GREB1L: variants seen among roughly 807,000 people sequenced by gnomAD.
The protein encoded by GREB1L is GREB1-like protein.
In GREB1L, 17 loss-of-function variants were observed where a neutral mutation model predicts 200.8. The ratio of observed to expected loss-of-function variants is 0.08; its 90% CI spans 0.06 to 0.13. The LOEUF is 0.13. GREB1L is among the 10% of genes least tolerant of loss of function. The pLI is 1.00. For missense variants in GREB1L, 1,657 were observed against 2,367.7 expected (o/e 0.70, Z 6.23); for synonymous variants, 789 against 893.0 (o/e 0.88, Z 2.08).
chr18:21,370,793 T>C (rs746661105), intron 2 of GREB1L, among the ~76,000 whole-genome samples: 6 of 152,196 alleles, frequency 3.9e-5, no homozygotes, highest in Non-Finnish European at 8.8e-5. Context: ...TTTAAATTAA[T>C]TACTGCTGGG....
intron 1 of GREB1L, among the ~76,000 whole-genome samples, chr18:21,278,393 T>C (rs12966832): frequency 1.2e-5 from 1 of 80,904 alleles, no homozygotes; most frequent in African/African-American, 5.3e-5. Flanking sequence ...AAAAAAAAAA[T>C]AAATAAATAA....
intron 21 of GREB1L, 85 bp from the exon 22 acceptor site, chr18:21,499,644 A>T: frequency 1.0e-6 from 1 of 961,624 alleles, no homozygotes; most frequent in Non-Finnish European, 1.6e-6. Context: ...CCCAGTGTCC[A>T]CTGCTTTCCT....
At position 21,454,383 on chromosome 18, in the gene GREB1L, T is replaced by C; in HGVS notation, c.2002T>C (p.Phe668Leu). 1 of 1,551,250 alleles carries C rather than the reference T, an allele frequency of 6.4e-7. No homozygotes were observed. Among genetic ancestry groups the C allele is most frequent in the Non-Finnish European group, 8.7e-7 (1 of 1,146,528 alleles). ...TQNLDLDNET[F>L]HIYQPQLTVA... ...AATTTTAGATTTAGATAATGAAACC[T>C]TCCACATTTATCAACCGCAGCTAAC... Residue 668 changes from phenylalanine to leucine, a missense_variant, in exon 15 of 33, where the codon TTC becomes CTC. By Grantham distance (22) the Phe-to-Leu change is conservative. Around this residue, in one of 9 missense-constraint regions of GREB1L, gnomAD observed 239 missense variants for 421.8 expected, o/e 0.57. Coordinates refer to ENST00000424526, the MANE Select transcript of GREB1L (RefSeq NM_001142966.3).
intron 21 of GREB1L, among the ~76,000 whole-genome samples, chr18:21,497,173 T>C (rs907019879): frequency 2.6e-5 from 4 of 152,224 alleles, no homozygotes; most frequent in African/African-American, 9.6e-5. Context: ...AGGGCTCCTC[T>C]GGGGCCACTG....
At chr18:21,442,202 C>G (rs2033938155) in intron 10 of GREB1L, among the ~76,000 whole-genome samples, 2 of 152,110 alleles carry the variant, frequency 1.3e-5, no homozygotes, top group African/African-American at 4.8e-5. Flanking sequence ...CTTTTCATAC[C>G]CATTTCAGGA....
chr18:21,507,367 C>T (rs1340511813), intron 25 of GREB1L, among the ~76,000 whole-genome samples: 1 of 152,138 alleles, frequency 6.6e-6, no homozygotes, highest in African/African-American at 2.4e-5. Flanking sequence ...TGTTATTTTT[C>T]TATGAAATAT....
In GREB1L at chr18:21,444,487, C is replaced by T. The variant is rs577295789; in HGVS notation, c.1393+78C>T. On this transcript the variant is annotated intron_variant, in intron 11 of 32. Coordinates refer to ENST00000424526, the MANE Select transcript of GREB1L (RefSeq NM_001142966.3). ...TGATGTACTTTTTCTTTCTTTCTCA[C>T]ATTTATCCTCCTATCTCTTATTTTC... 9 of 1,114,836 alleles carry T rather than the reference C, an allele frequency of 8.1e-6. No homozygotes were observed. The South Asian group carries it at 1.4e-4, about 17-fold the overall frequency. 69.1% of individuals were successfully genotyped at this position (1,114,836 alleles called of 1,614,324 possible). A position where few individuals can be genotyped will look rare whatever the true frequency, so the allele number is the denominator to read the frequency against.
chr18:21,328,596 T>G (rs1178645765), intron 1 of GREB1L, among the ~76,000 whole-genome samples: 2 of 152,192 alleles, frequency 1.3e-5, no homozygotes, highest in African/African-American at 4.8e-5. Context: ...GGGGGGTCTA[T>G]TTGGCTTAAT....
chr18:21,461,937 C>A (rs1205478929), intron 15 of GREB1L, among the ~76,000 whole-genome samples: 2 of 152,086 alleles, frequency 1.3e-5, no homozygotes, highest in Non-Finnish European at 2.9e-5. Flanking sequence ...CTACTTTGGC[C>A]AAGAGTAAGA....
At chr18:21,360,242 G>A (rs1039577654) in intron 1 of GREB1L, among the ~76,000 whole-genome samples, 6 of 152,098 alleles carry the variant, frequency 3.9e-5, no homozygotes, top group African/African-American at 1.4e-4. Context: ...TCTTTGAGAC[G>A]AAGTCTCGCT....
At chr18:21,288,184 T>A (rs2038389366) in intron 1 of GREB1L, among the ~76,000 whole-genome samples, 1 of 152,152 alleles carries the variant, frequency 6.6e-6, no homozygotes, top group African/African-American at 2.4e-5. Context: ...GGGAGTATGA[T>A]GCATAAGACA....
At chr18:21,470,294 T>A (rs1026227605) in intron 15 of GREB1L, among the ~76,000 whole-genome samples, 2 of 151,698 alleles carry the variant, frequency 1.3e-5, no homozygotes, top group African/African-American at 4.8e-5. Flanking sequence ...TCTCTTTAAA[T>A]TTTTTTTTAA....
intron 15 of GREB1L, among the ~76,000 whole-genome samples, chr18:21,468,299 T>C (rs190773412): frequency 2.4e-4 from 37 of 152,300 alleles, no homozygotes; most frequent in Admixed American, 1.2e-3. Flanking sequence ...GATTGCATCT[T>C]GTACAATCCC....
intron 1 of GREB1L, among the ~76,000 whole-genome samples, chr18:21,345,400 C>T (rs779003143): frequency 9.2e-5 from 14 of 152,166 alleles, no homozygotes; most frequent in African/African-American, 2.7e-4. Context: ...TGGTCTTTAA[C>T]ACGTTGTGTA....
intron 1 of GREB1L, among the ~76,000 whole-genome samples, chr18:21,306,344 A>C (rs2038699961): frequency 6.6e-6 from 1 of 152,234 alleles, no homozygotes; most frequent in Non-Finnish European, 1.5e-5. Flanking sequence ...TTTCATGATA[A>C]TTAAGTGGTC....
intron 1 of GREB1L, among the ~76,000 whole-genome samples, chr18:21,253,720 A>T (rs1462707718): frequency 6.6e-6 from 1 of 151,794 alleles, no homozygotes; most frequent in Non-Finnish European, 1.5e-5. Context: ...GTGAACTGTT[A>T]TTGCAGTTCT....
chr18:21,446,784 T>G (rs1348608842), intron 11 of GREB1L, among the ~76,000 whole-genome samples: 2 of 152,200 alleles, frequency 1.3e-5, no homozygotes, highest in African/African-American at 4.8e-5. Context: ...TTTTTAATAC[T>G]TCAGCGGCTC....
rs2037390863 is a variant in GREB1L at position 21,515,660 on chromosome 18, T to C, written c.5129+16T>C. The C allele has an allele frequency of 6.6e-7, 1 of 1,513,496 alleles. No individual in the cohort carries two copies. The highest frequency in any genetic ancestry group is 9.0e-7 in the Non-Finnish European group (1 of 1,112,732). 93.8% of individuals were successfully genotyped at this position (1,513,496 alleles called of 1,614,324 possible). ...ACTTCAACAGGTAAGTCAGGCCTCA[T>C]GGATGCAGGTAATCCTGGCATCTAC... On this transcript the variant is annotated intron_variant, in intron 29 of 32. Coordinates refer to ENST00000424526, the MANE Select transcript of GREB1L (RefSeq NM_001142966.3).
At chr18:21,293,296 A>G (rs1319448420) in intron 1 of GREB1L, among the ~76,000 whole-genome samples, 1 of 152,226 alleles carries the variant, frequency 6.6e-6, no homozygotes, top group Non-Finnish European at 1.5e-5. Flanking sequence ...AGACTTGGCA[A>G]GGTGAGGCAA....
Sources: allele counts gnomAD v4.1 joint callset (sites outside exome capture counted in the v4.1 genomes callset), GRCh38; gene constraint gnomAD v4.1.1; regional missense constraint gnomAD v4.1.1; transcripts MANE v1.5; gene names NCBI Gene and HGNC (gene_info 2026-07-23, HGNC 2026-07-21).